The following AVEN variants were observed in gnomAD, a reference collection of about 807,000 sequenced individuals.
AVEN encodes the protein cell death regulator Aven.
In AVEN, 41 loss-of-function variants were observed where a neutral mutation model predicts 38.1. That is an observed-to-expected ratio of 1.08 (90% CI 0.84 to 1.40). The LOEUF is 1.40. Among genes scored for constraint, AVEN ranks in the 40% most tolerant of loss-of-function variants. AVEN has a pLI of 0.00. For missense variants in AVEN, 605 were observed against 438.8 expected (o/e 1.38, Z -3.38); for synonymous variants, 206 against 171.8 (o/e 1.20, Z -1.56).
At chr15:33,861,300 G>A (rs1597113564), downstream of AVEN, 2 of 640,960 alleles carry the variant, frequency 3.1e-6, no homozygotes, top group Middle Eastern at 2.6e-4. Flanking sequence ...GAGTCCCCAT[G>A]AGCCTGTACC....
At chr15:34,062,870 C>T in intron 5 of AVEN, 2 of 1,614,222 alleles carry the variant, frequency 1.2e-6, no homozygotes, top group Non-Finnish European at 1.7e-6. Flanking sequence ...ATGTCTTGGT[C>T]ATGATCTCCT....
At chr15:33,927,256 A>AAATAATAAT (rs143126877) in intron 2 of AVEN, among the ~76,000 whole-genome samples, 1 of 150,572 alleles carries the variant, frequency 6.6e-6, no homozygotes. Flanking sequence ...CTCCATCTCA[A>AAATAATAAT]AATAATAATA....
At chr15:33,892,811 G>A (rs1204568254) in intron 2 of AVEN, among the ~76,000 whole-genome samples, 3 of 152,014 alleles carry the variant, frequency 2.0e-5, no homozygotes, top group African/African-American at 7.3e-5. Flanking sequence ...AATTACCTTG[G>A]GCAGTATGGC....
intron 2 of AVEN, among the ~76,000 whole-genome samples, chr15:33,904,726 C>CAT (rs1567406628): frequency 2.3e-4 from 35 of 149,804 alleles, no homozygotes; most frequent in Admixed American, 1.5e-3. Context: ...TACACACACA[C>CAT]ACGAATATGC....
intron 2 of AVEN, among the ~76,000 whole-genome samples, chr15:33,901,106 A>T (rs1892480794): frequency 1.3e-5 from 2 of 152,196 alleles, no homozygotes; most frequent in Admixed American, 6.5e-5. Context: ...CTCTACTAAA[A>T]ATACAAAAAA....
intron 3 of AVEN, among the ~76,000 whole-genome samples, chr15:33,874,573 T>C (rs1226402708): frequency 1.3e-5 from 2 of 152,228 alleles, no homozygotes; most frequent in Non-Finnish European, 2.9e-5. Context: ...TGTTAATTCA[T>C]TCATCACACC....
chr15:33,983,472 C>A (rs1896279761), intron 2 of AVEN, among the ~76,000 whole-genome samples: 2 of 151,948 alleles, frequency 1.3e-5, no homozygotes, highest in African/African-American at 4.8e-5. Flanking sequence ...GATAGATCTG[C>A]AGTAAAGCAT....
At chr15:34,027,904 G>A (rs960688162) in intron 1 of AVEN, among the ~76,000 whole-genome samples, 1 of 151,998 alleles carries the variant, frequency 6.6e-6, no homozygotes. Flanking sequence ...ATTGTAGAAC[G>A]TTGACATTAC....
intron 2 of AVEN, among the ~76,000 whole-genome samples, chr15:33,988,449 C>T (rs887580692): frequency 1.3e-5 from 2 of 152,152 alleles, no homozygotes; most frequent in African/African-American, 4.8e-5. Context: ...GAAACCTACC[C>T]TATTAAGTTA....
chr15:34,026,642 G>A (rs1196098084), intron 1 of AVEN, among the ~76,000 whole-genome samples: 1 of 151,968 alleles, frequency 6.6e-6, no homozygotes, highest in Non-Finnish European at 1.5e-5. Context: ...TAGACAATCA[G>A]AACAAGGATC....
chr15:33,902,319 G>A (rs943774334), intron 2 of AVEN, among the ~76,000 whole-genome samples: 2 of 146,788 alleles, frequency 1.4e-5, no homozygotes, highest in African/African-American at 5.0e-5. Flanking sequence ...TTAACAGAAT[G>A]AAAGATTTAA....
chr15:34,055,762 C>G (rs1378136516), intron 5 of AVEN, among the ~76,000 whole-genome samples: 1 of 152,004 alleles, frequency 6.6e-6, no homozygotes, highest in East Asian at 1.9e-4. Flanking sequence ...GATCACACCA[C>G]TGCACTCCAG....
chr15:33,940,666 C>T (rs1018681466), intron 2 of AVEN, among the ~76,000 whole-genome samples: 27 of 152,086 alleles, frequency 1.8e-4, no homozygotes, highest in African/African-American at 5.6e-4. Context: ...CTCAGCCTCC[C>T]GAGTAGCTGG....
chr15:34,048,108 T>C (rs1483737578), intron 5 of AVEN, among the ~76,000 whole-genome samples: 1 of 152,084 alleles, frequency 6.6e-6, no homozygotes, highest in African/African-American at 2.4e-5. Flanking sequence ...ACTCCTGAAC[T>C]CAAGCAATCC....
At chr15:33,977,521 T>A (rs1309251948) in intron 2 of AVEN, among the ~76,000 whole-genome samples, 1 of 152,178 alleles carries the variant, frequency 6.6e-6, no homozygotes. Flanking sequence ...GGGTGTTGTA[T>A]CCCAGCCTCG....
Position 33,957,247 on chromosome 15 carries a change from G to A in AVEN, c.445+45785C>T, listed in dbSNP as rs182685786. 1.6e-3 allele frequency among the ~76,000 whole-genome samples: 248 copies of A among 152,176 alleles called. 2 individuals are homozygous for A. The highest frequency in any genetic ancestry group is 5.8e-3 in the African/African-American group (240 of 41,482). On this transcript the variant is annotated intron_variant, in intron 2 of 5. Transcript: ENST00000306730. Reference sequence around the variant, plus strand: ...CTCTTAGGATTTGGAAGAGTTCCACGGTCACTGTTATTTAGCCACACGTAT... The same window carrying A: ...CTCTTAGGATTTGGAAGAGTTCCACAGTCACTGTTATTTAGCCACACGTAT...
intron 1 of AVEN, among the ~76,000 whole-genome samples, chr15:34,072,141 C>T (rs12917116): frequency 0.21 from 32,361 of 151,636 alleles, 3,695 homozygotes; most frequent in Middle Eastern, 0.28. Context: ...TGGTGACACC[C>T]GCCTGTAGTC....
At chr15:33,896,617 T>C (rs940240061) in intron 2 of AVEN, among the ~76,000 whole-genome samples, 1 of 152,254 alleles carries the variant, frequency 6.6e-6, no homozygotes, top group South Asian at 2.1e-4. Flanking sequence ...CTGTCAAAAA[T>C]TTAGCCACTA....
At chr15:33,873,278 T>TC (rs1171299785) in intron 3 of AVEN, among the ~76,000 whole-genome samples, 1 of 150,536 alleles carries the variant, frequency 6.6e-6, no homozygotes, top group African/African-American at 2.4e-5. Context: ...TTTTGTATTT[T>TC]CAGTAGACGC....
Sources: allele counts gnomAD v4.1 joint callset (sites outside exome capture counted in the v4.1 genomes callset), GRCh38; gene constraint gnomAD v4.1.1; transcripts MANE v1.5; gene names NCBI Gene and HGNC (gene_info 2026-07-23, HGNC 2026-07-21).